The following ABHD12B variants were observed in gnomAD, a reference collection of about 807,000 sequenced individuals.
ABHD12B encodes the protein protein ABHD12B.
ABHD12B carries 42 observed loss-of-function variants against 50.4 expected under a neutral mutation model. The observed-to-expected ratio is 0.83, with a 90% CI of 0.65 to 1.08. ABHD12B has a LOEUF of 1.08. Among genes scored for constraint, ABHD12B ranks in the 50% least tolerant of loss-of-function variants. ABHD12B has a pLI of 0.00. For synonymous variants in ABHD12B, 167 were observed against 160.3 expected, an observed-to-expected ratio of 1.04 and a Z score of -0.32; for missense variants, 479 against 447.7, an observed-to-expected ratio of 1.07 and a Z score of -0.63.
At chr14:50,891,838 A>T (rs2050124055) in intron 9 of ABHD12B, 1 of 152,212 alleles carries the variant, frequency 6.6e-6, no homozygotes, top group African/African-American at 2.4e-5. Context: ...CAGTGTCTAT[A>T]CATATAGAGA....
chr14:50,878,817 G>T lies in ABHD12B; in HGVS notation c.305G>T (p.Arg102Ile). ...KIPHTVNFYL[R>I]VEPGVMLGIW... ...CCTCACACAGTGAACTTCTACCTGA[G>T]AGTTGAACCTGGGGTGATGCTAGGG... is the stretch of plus-strand genomic sequence containing the variant. The change falls in exon 3 of 13, where the codon AGA becomes ATA. Residue 102 changes from arginine to isoleucine, a missense_variant. Physicochemically the swap from Arg to Ile is moderately conservative, Grantham distance 97. Transcript: ENST00000337334. The T allele has an allele frequency of 6.2e-7, 1 of 1,614,028 alleles. No individual in the cohort carries two copies. Among genetic ancestry groups the T allele is most frequent in the Non-Finnish European group, 8.5e-7 (1 of 1,179,888 alleles).
intron 6 of ABHD12B, 41 bp from the exon 7 acceptor site, chr14:50,885,725 T>C (rs369679295): frequency 6.2e-7 from 1 of 1,614,170 alleles, no homozygotes; most frequent in Non-Finnish European, 8.5e-7. Flanking sequence ...ACCCCTCATT[T>C]TGAAGGCAGT....
At position 50,886,835 on chromosome 14, in the gene ABHD12B, G is replaced by T; in HGVS notation, c.700+151G>T. 8.0e-6 allele frequency: 5 copies of T among 624,608 alleles called. 1 individual carries two copies. The South Asian group carries it at 9.2e-5, about 12-fold the overall frequency. The allele number at this position is 624,608 out of a possible 1,614,324, so 38.7% of individuals were successfully genotyped here. A position where few individuals can be genotyped will look rare whatever the true frequency, so the allele number is the denominator to read the frequency against. On this transcript the variant is annotated intron_variant, in intron 8 of 12. Transcript: ENST00000337334. ...TGGCAGTGCAACAGGCTTTCTTTTT[G>T]ATCTCCCTTTAATATAAAACAAGAG...
chr14:50,889,964 C>G (rs907162594), intron 9 of ABHD12B, among the ~76,000 whole-genome samples: 3 of 152,140 alleles, frequency 2.0e-5, no homozygotes, highest in Non-Finnish European at 4.4e-5. Flanking sequence ...AAGTAGCTCA[C>G]CACTTTCTAG....
At position 50,878,007 on chromosome 14, in the gene ABHD12B, A is replaced by G; in HGVS notation, c.160A>G (p.Ser54Gly). The part of the protein sequence containing the change: ...LGRKIAALYD[S>G]FTSKSLKEHV... Reference sequence around the variant, plus strand: ...AAGAAAAATTGCTGCTCTGTATGACAGCTTTACTAGTAAATCCTTAAAAGA... The same window carrying G: ...AAGAAAAATTGCTGCTCTGTATGACGGCTTTACTAGTAAATCCTTAAAAGA... Residue 54 changes from serine (S) to glycine (G), a missense_variant, in exon 2 of 13, where the codon AGC becomes GGC. Physicochemically the swap from Ser to Gly is moderately conservative, Grantham distance 56 (BLOSUM62 0). Transcript: ENST00000337334. 2.0e-6 allele frequency: 3 copies of G among 1,535,410 alleles called. No homozygotes were observed. Among genetic ancestry groups the G allele is most frequent in the Non-Finnish European group, 2.6e-6 (3 of 1,146,614 alleles).
At chr14:50,880,707 G>A in intron 4 of ABHD12B, 136 bp downstream of exon 4, 1 of 1,067,050 alleles carries the variant, frequency 9.4e-7, no homozygotes, top group Non-Finnish European at 1.3e-6. Flanking sequence ...GTTGAAATCT[G>A]AGGGTGTTCT....
intron 3 of ABHD12B, among the ~76,000 whole-genome samples, chr14:50,880,229 C>A (rs1271914861): frequency 6.6e-6 from 1 of 151,732 alleles, no homozygotes; most frequent in Non-Finnish European, 1.5e-5. Flanking sequence ...AACAGTAAGT[C>A]GTTAAAAGGC....
At chr14:50,902,322 A>T (rs77961038) in intron 10 of ABHD12B, among the ~76,000 whole-genome samples, 3,816 of 152,194 alleles carry the variant, frequency 0.025, 161 homozygotes, top group African/African-American at 0.087. Context: ...ATCTCTACCA[A>T]AAAATTTTAA....
At chr14:50,885,499 A>T in intron 5 of ABHD12B, 115 bp from the exon 6 acceptor site, 2 of 1,209,096 alleles carry the variant, frequency 1.7e-6, no homozygotes, top group Non-Finnish European at 2.4e-6. Flanking sequence ...TGAACAAGTT[A>T]AAATTACCTT....
chr14:50,904,356 A>C lies in ABHD12B; in HGVS notation c.1079A>C (p.Gln360Pro). Reference protein sequence around the residue: ...LITVRDFLSKQWS With the variant: ...LITVRDFLSKPWS ...TTCTACAGAGATTTCCTGAGCAAGCAGTGGTCATGAGTCTGGGAGGAGTGG... is the reference window on the plus strand; with the variant it reads ...TTCTACAGAGATTTCCTGAGCAAGCCGTGGTCATGAGTCTGGGAGGAGTGG... Residue 360 changes from glutamine (Q) to proline (P), a missense_variant, in exon 13 of 13, where the codon CAG (glutamine) becomes CCG (proline). By Grantham distance (76) the Gln-to-Pro change is moderately conservative. Transcript: ENST00000337334. 1 of 1,613,970 alleles carries C rather than the reference A, an allele frequency of 6.2e-7. No individual in the cohort carries two copies. Among genetic ancestry groups the C allele is most frequent in the Non-Finnish European group, 8.5e-7 (1 of 1,179,880 alleles).
intron 4 of ABHD12B, 33 bp from the exon 5 acceptor site, chr14:50,881,563 C>CTTT (rs34965747): frequency 0.031 from 44,225 of 1,405,204 alleles, 80 homozygotes; most frequent in Non-Finnish European, 0.035. Context: ...CTAATTCTTG[C>CTTT]TTTTTTTTTT....
chr14:50,903,083 T>C (rs2050281361), intron 10 of ABHD12B, among the ~76,000 whole-genome samples: 1 of 151,040 alleles, frequency 6.6e-6, no homozygotes, highest in Non-Finnish European at 1.5e-5. Flanking sequence ...TCTAACACTG[T>C]ACAAAATCAG....
chr14:50,883,479 G>T (rs1285624831), intron 5 of ABHD12B, among the ~76,000 whole-genome samples: 1 of 152,232 alleles, frequency 6.6e-6, no homozygotes, highest in African/African-American at 2.4e-5. Context: ...TTGCCCAGGA[G>T]TACCATGTTT....
Position 50,872,220 on chromosome 14 carries a change from G to A in ABHD12B, c.46G>A (p.Gly16Arg), listed in dbSNP as rs1436036977. The A allele has an allele frequency of 7.2e-7, 1 of 1,387,462 alleles. No individual in the cohort carries two copies. Among genetic ancestry groups the A allele is most frequent in the Non-Finnish European group, 9.4e-7 (1 of 1,067,788 alleles). 85.9% of individuals were successfully genotyped at this position (1,387,462 alleles called of 1,614,324 possible). The change falls in exon 1 of 13, where the codon GGG (glycine) becomes AGG (arginine). Residue 16 changes from glycine to arginine, a missense_variant. By Grantham distance (125) the Gly-to-Arg change is moderately radical (BLOSUM62 -2). Coordinates refer to ENST00000337334, the MANE Select transcript of ABHD12B (RefSeq NM_001206673.2). ...GGCGGCCGCATCGCCCGAGCCGCCC[G>A]GGCCCCCAGCCCGTAGCTGCGTGGC... Reference protein sequence around the residue: ...CQAAASPEPPGPPARSCVAAW... With the variant: ...CQAAASPEPPRPPARSCVAAW...
At chr14:50,881,245 C>T (rs1428833314) in intron 4 of ABHD12B, among the ~76,000 whole-genome samples, 3 of 151,796 alleles carry the variant, frequency 2.0e-5, no homozygotes, top group African/African-American at 4.8e-5. Flanking sequence ...GGGGCAGGGG[C>T]GATGTGCCTC....
In ABHD12B at chr14:50,899,045, T is replaced by C. The variant is rs540599386; in HGVS notation, c.781-2784T>C. On this transcript the variant is annotated intron_variant, in intron 9 of 12. Transcript: ENST00000337334. ...CTGTCTCTACTAAAAATACAAAAAT[T>C]AGCTGGGCATGGTGGCAGGTGCCTG... 5.9e-5 allele frequency among the ~76,000 whole-genome samples: 9 copies of C among 152,134 alleles called. 1 individual carries two copies. The South Asian group carries it at 1.9e-3, about 32-fold the overall frequency.
At chr14:50,897,013 G>GT (rs2050208399) in intron 9 of ABHD12B, among the ~76,000 whole-genome samples, 3 of 149,042 alleles carry the variant, frequency 2.0e-5, no homozygotes, top group Non-Finnish European at 4.5e-5. Flanking sequence ...TTTTGTTTTA[G>GT]TTTTTTTGAG....
chr14:50,878,001 T>C lies in ABHD12B; in HGVS notation c.154T>C (p.Tyr52His). The C allele has an allele frequency of 6.5e-7, 1 of 1,535,294 alleles. No individual in the cohort carries two copies. Among genetic ancestry groups the C allele is most frequent in the Non-Finnish European group, 8.7e-7 (1 of 1,146,480 alleles). ...GCTCGGAAGAAAAATTGCTGCTCTGTATGACAGCTTTACTAGTAAATCCTT... is the reference window on the plus strand; with the variant it reads ...GCTCGGAAGAAAAATTGCTGCTCTGCATGACAGCTTTACTAGTAAATCCTT... ...SMLGRKIAALYDSFTSKSLKE... is the reference protein window; with the variant it reads ...SMLGRKIAALHDSFTSKSLKE... The change falls in exon 2 of 13, where the codon TAT becomes CAT. Residue 52 changes from tyrosine to histidine, a missense_variant. Physicochemically the swap from Tyr to His is moderately conservative, Grantham distance 83. Coordinates refer to ENST00000337334, the MANE Select transcript of ABHD12B (RefSeq NM_001206673.2).
intron 5 of ABHD12B, among the ~76,000 whole-genome samples, chr14:50,882,874 G>A (rs1231884790): frequency 6.6e-6 from 1 of 151,802 alleles, no homozygotes; most frequent in East Asian, 1.9e-4. Context: ...AGGAGGCTGA[G>A]GTGAGAGGAT....
Sources: allele counts gnomAD v4.1 joint callset (sites outside exome capture counted in the v4.1 genomes callset), GRCh38; gene constraint gnomAD v4.1.1; transcripts MANE v1.5; gene names NCBI Gene and HGNC (gene_info 2026-07-23, HGNC 2026-07-21).